The following PSD3 variants were observed in gnomAD, a reference collection of about 807,000 sequenced individuals.
The protein encoded by PSD3 is pleckstrin and Sec7 domain containing 3.
In PSD3, 49 loss-of-function variants were observed where a neutral mutation model predicts 105.5. The ratio of observed to expected loss-of-function variants is 0.46; its 90% CI spans 0.37 to 0.59. The LOEUF (loss-of-function observed/expected upper bound fraction) is 0.59, where lower values mean the gene tolerates loss of function less well. Ranked by LOEUF, PSD3 falls within the 20% of genes least tolerant of loss-of-function variation. The pLI, the probability that PSD3 is intolerant of heterozygous loss-of-function variation, is 0.00. For missense variants in PSD3, 1,561 were observed against 1,263.8 expected (o/e 1.24, Z -3.57); for synonymous variants, 557 against 457.8 (o/e 1.22, Z -2.77).
chr8:18,820,235 C>A (rs1168465333), intron 4 of PSD3, among the ~76,000 whole-genome samples: 1 of 114,576 alleles, frequency 8.7e-6, no homozygotes, highest in East Asian at 2.5e-4. Flanking sequence ...ATGGCATATT[C>A]TTTTCTGGCA....
At chr8:18,670,290 T>A (rs1799704914) in intron 9 of PSD3, among the ~76,000 whole-genome samples, 1 of 152,024 alleles carries the variant, frequency 6.6e-6, no homozygotes, top group Non-Finnish European at 1.5e-5. Flanking sequence ...GGCCCAGCTG[T>A]GGTGTGAGCA....
chr8:18,806,295 T>C (rs1811192259), intron 4 of PSD3, among the ~76,000 whole-genome samples: 1 of 152,154 alleles, frequency 6.6e-6, no homozygotes, highest in Non-Finnish European at 1.5e-5. Context: ...AAAAATAGTG[T>C]TATAATAATT....
chr8:18,933,078 C>T (rs185292137), intron 2 of PSD3, among the ~76,000 whole-genome samples: 1 of 152,318 alleles, frequency 6.6e-6, no homozygotes, highest in East Asian at 1.9e-4. Flanking sequence ...ACGCAAGTAA[C>T]CTGCACAAAG....
intron 8 of PSD3, among the ~76,000 whole-genome samples, chr8:18,771,660 G>C (rs1052217571): frequency 2.0e-5 from 3 of 152,116 alleles, no homozygotes; most frequent in Non-Finnish European, 2.9e-5. Context: ...TAAATGTATG[G>C]GATTATTTTT....
At chr8:18,783,195 T>C (rs1475925795) in intron 8 of PSD3, among the ~76,000 whole-genome samples, 1 of 152,224 alleles carries the variant, frequency 6.6e-6, no homozygotes, top group Non-Finnish European at 1.5e-5. Flanking sequence ...AGGTTTTGTT[T>C]CCTTTTGAGT....
At chr8:18,946,519 T>A (rs1822864896) in intron 1 of PSD3, among the ~76,000 whole-genome samples, 1 of 152,118 alleles carries the variant, frequency 6.6e-6, no homozygotes, top group South Asian at 2.1e-4. Flanking sequence ...AGGTTGAGGC[T>A]GTAGTGAGCT....
At chr8:18,956,189 C>G (rs565017830) in intron 1 of PSD3, among the ~76,000 whole-genome samples, 1 of 152,186 alleles carries the variant, frequency 6.6e-6, no homozygotes, top group East Asian at 1.9e-4. Flanking sequence ...GTGTAAAACA[C>G]GCTTAGAAAA....
chr8:18,790,595 C>G (rs1809626113), intron 8 of PSD3, among the ~76,000 whole-genome samples: 2 of 152,074 alleles, frequency 1.3e-5, no homozygotes, highest in Non-Finnish European at 2.9e-5. Context: ...AGCCACTACG[C>G]CTGGCCAACA....
intron 9 of PSD3, chr8:18,762,921 C>G: frequency 7.8e-7 from 1 of 1,279,106 alleles, no homozygotes; most frequent in South Asian, 1.3e-5. Context: ...CATGGAATAA[C>G]TGTTTATTTT....
chr8:18,638,549 CA>C (rs34784243), intron 10 of PSD3, among the ~76,000 whole-genome samples: 63,547 of 148,452 alleles, frequency 0.43, 13,801 homozygotes, highest in African/African-American at 0.53. Context: ...AACAAACAAA[CA>C]AAAAAAAACA....
intron 1 of PSD3, among the ~76,000 whole-genome samples, chr8:18,945,489 ATTT>A (rs1426147164): frequency 1.3e-5 from 2 of 152,198 alleles, no homozygotes; most frequent in Non-Finnish European, 2.9e-5. Context: ...TGGCACCTTG[ATTT>A]TAGCCCCTAA....
At chr8:18,986,860 G>C (rs962508922) in intron 1 of PSD3, among the ~76,000 whole-genome samples, 2 of 152,122 alleles carry the variant, frequency 1.3e-5, no homozygotes, top group East Asian at 1.9e-4. Flanking sequence ...ATGAGGACTT[G>C]AGGAAAAAAA....
intron 9 of PSD3, among the ~76,000 whole-genome samples, chr8:18,716,959 C>A (rs1398118459): frequency 1.3e-5 from 2 of 152,192 alleles, no homozygotes; most frequent in Admixed American, 6.5e-5. Flanking sequence ...AGCCTGGACA[C>A]CCACCTCTTG....
chr8:18,731,393 A>AT (rs1250715335), intron 9 of PSD3, among the ~76,000 whole-genome samples: 2 of 152,250 alleles, frequency 1.3e-5, no homozygotes, highest in Non-Finnish European at 2.9e-5. Flanking sequence ...TGAAAGTGAC[A>AT]TTGGAAGATT....
chr8:18,560,211 A>ACACACACAC (rs1563322125), intron 14 of PSD3, among the ~76,000 whole-genome samples: 87 of 130,422 alleles, frequency 6.7e-4, no homozygotes, highest in African/African-American at 2.6e-3. Flanking sequence ...CACACACACA[A>ACACACACAC]ACAAAAAAAC....
At chr8:19,074,605 ATATATATTTTTTTTTT>A (rs1829392904) in intron 1 of PSD3, among the ~76,000 whole-genome samples, 1 of 18,426 alleles carries the variant, frequency 5.4e-5, no homozygotes. Flanking sequence ...ATATATATAT[ATATATATTTTTTTTTT>A]TTTTTTTTTT....
At chr8:18,649,386 G>A (rs535796274) in intron 10 of PSD3, among the ~76,000 whole-genome samples, 6 of 152,290 alleles carry the variant, frequency 3.9e-5, no homozygotes, top group East Asian at 1.9e-4. Flanking sequence ...CCGGGGTTTC[G>A]GACTTGCACA....
At chr8:19,029,001 C>G (rs1480974419) in intron 1 of PSD3, among the ~76,000 whole-genome samples, 2 of 152,162 alleles carry the variant, frequency 1.3e-5, no homozygotes, top group Non-Finnish European at 2.9e-5. Context: ...CTTTTGAACT[C>G]TCTCTTCCAT....
intron 11 of PSD3, among the ~76,000 whole-genome samples, chr8:18,608,003 A>C (rs9650594): frequency 0.45 from 68,412 of 151,940 alleles, 15,942 homozygotes; most frequent in Non-Finnish European, 0.51. Flanking sequence ...CCCAACAATT[A>C]AATTACCTCC....
Sources: allele counts gnomAD v4.1 joint callset (sites outside exome capture counted in the v4.1 genomes callset), GRCh38; gene constraint gnomAD v4.1.1; transcripts MANE v1.5; gene names NCBI Gene and HGNC (gene_info 2026-07-23, HGNC 2026-07-21).